Variants in LDLRAD3 observed in about 807,000 individuals in gnomAD.
LDLRAD3 encodes low density lipoprotein receptor class A domain containing 3.
In LDLRAD3, 20 loss-of-function variants were observed where a neutral mutation model predicts 29.4. That is an observed-to-expected ratio of 0.68 (90% CI 0.48 to 0.99). LDLRAD3 has a LOEUF of 0.99. Among genes scored for constraint, LDLRAD3 ranks in the 50% least tolerant of loss-of-function variants. LDLRAD3 has a pLI of 0.00. For synonymous variants in LDLRAD3, 157 were observed against 192.7 expected (o/e 0.81, Z 1.53); for missense variants, 420 against 454.3 (o/e 0.92, Z 0.69).
intron 5 of LDLRAD3, 145 bp from the exon 6 acceptor site, chr11:36,229,015 T>G (rs1047411723): frequency 2.2e-5 from 15 of 692,700 alleles, no homozygotes; most frequent in Non-Finnish European, 3.7e-5. Flanking sequence ...TTGAATTAAT[T>G]GTCTTTGTAC....
intron 4 of LDLRAD3, among the ~76,000 whole-genome samples, chr11:36,225,505 A>T (rs1253991957): frequency 2.0e-5 from 3 of 152,074 alleles, no homozygotes; most frequent in Admixed American, 6.5e-5. Flanking sequence ...CAGGGGTGGG[A>T]TGTGTACCAG....
chr11:36,029,644 GA>G (rs1565172488), intron 1 of LDLRAD3, among the ~76,000 whole-genome samples: 2 of 152,274 alleles, frequency 1.3e-5, no homozygotes, highest in African/African-American at 4.8e-5. Context: ...AATACAGCAC[GA>G]AAATAATTCA....
At chr11:36,121,915 G>A (rs10836497) in intron 4 of LDLRAD3, among the ~76,000 whole-genome samples, 68,550 of 151,862 alleles carry the variant, frequency 0.45, 15,929 homozygotes, top group Admixed American at 0.52. Context: ...GAGCCCTCGC[G>A]GCATGCCAGG....
chr11:36,104,690 C>T (rs1427724670), intron 4 of LDLRAD3, among the ~76,000 whole-genome samples: 2 of 152,140 alleles, frequency 1.3e-5, no homozygotes, highest in Non-Finnish European at 2.9e-5. Flanking sequence ...TTATCACACC[C>T]CTTTTCTAGA....
At chr11:36,079,001 C>T (rs1217079379) in intron 2 of LDLRAD3, among the ~76,000 whole-genome samples, 2 of 152,134 alleles carry the variant, frequency 1.3e-5, no homozygotes, top group Non-Finnish European at 2.9e-5. Flanking sequence ...GCAGAGGCTT[C>T]AGGTCTGGGA....
chr11:36,179,657 G>A (rs868020631), intron 4 of LDLRAD3, among the ~76,000 whole-genome samples: 3 of 152,000 alleles, frequency 2.0e-5, no homozygotes, highest in South Asian at 4.2e-4. Context: ...CTGTAAAATG[G>A]GATAATACTT....
At chr11:36,201,481 A>G (rs1855126092) in intron 4 of LDLRAD3, among the ~76,000 whole-genome samples, 1 of 152,202 alleles carries the variant, frequency 6.6e-6, no homozygotes, top group Admixed American at 6.5e-5. Flanking sequence ...TATCTTTTAA[A>G]TTAATTTTCA....
chr11:36,217,072 G>A (rs1170124076), intron 4 of LDLRAD3, among the ~76,000 whole-genome samples: 1 of 152,186 alleles, frequency 6.6e-6, no homozygotes, highest in African/African-American at 2.4e-5. Context: ...CAGGATTGTT[G>A]TAAAGAAGAA....
At position 35,992,981 on chromosome 11, in the gene LDLRAD3, T is replaced by C. The variant is rs567784602; in HGVS notation, c.47-43122T>C. On this transcript the variant is annotated intron_variant, in intron 1 of 5. Coordinates refer to ENST00000315571, the MANE Select transcript of LDLRAD3 (RefSeq NM_174902.4). ...TCTAATTTATTCCAGTCTTTTCCAT[T>C]TTTTTCTTTAAAAGTGTCTGGACAT... Among the ~76,000 whole-genome samples the C allele has an allele frequency of 2.0e-5, 3 of 152,334 alleles. No homozygotes were observed. In the South Asian group the frequency reaches 6.2e-4, roughly 32 times the overall value.
chr11:36,097,654 T>C (rs1230191056), intron 3 of LDLRAD3, among the ~76,000 whole-genome samples: 3 of 151,974 alleles, frequency 2.0e-5, no homozygotes. Flanking sequence ...GAGAAGTGGG[T>C]TAAAAGATAC....
Position 36,162,916 on chromosome 11 carries a change from GATCCT to G in LDLRAD3, c.455-64164_455-64160del, listed in dbSNP as rs1408177545. Among the ~76,000 whole-genome samples, 15 of 152,296 alleles carry G rather than the reference GATCCT, an allele frequency of 9.8e-5. No individual in the cohort carries two copies. The East Asian group carries it at 2.9e-3, about 29-fold the overall frequency. On this transcript the variant is annotated intron_variant, in intron 4 of 5. Transcript: ENST00000315571. ...GGAAACAGGGTTGTCGTTATATCTGGATCCTATCCACAAGGGCTCAGCAGCTGTGA... is the reference window on the plus strand; with the variant it reads ...GGAAACAGGGTTGTCGTTATATCTGGATCCACAAGGGCTCAGCAGCTGTGA...
chr11:36,197,760 A>G lies in LDLRAD3; in HGVS notation c.455-29325A>G, dbSNP rs1352126199. 7 of 152,142 alleles carry G rather than the reference A, an allele frequency of 4.6e-5. No homozygotes were observed. In the East Asian group the frequency reaches 1.4e-3, roughly 29 times the overall value. The allele number at this position is 152,142 out of a possible 1,614,324, so 9.4% of individuals were successfully genotyped here. A position where few individuals can be genotyped will look rare whatever the true frequency, so the allele number is the denominator to read the frequency against. ...GAGGGAGGCATACACTGAATAAAAG[A>G]CTATAGACCAGGTATAGTGGCTCAT... On this transcript the variant is annotated intron_variant, in intron 4 of 5. Coordinates refer to ENST00000315571, the MANE Select transcript of LDLRAD3 (RefSeq NM_174902.4).
chr11:36,160,429 A>G (rs1365177085), intron 4 of LDLRAD3, among the ~76,000 whole-genome samples: 1 of 152,174 alleles, frequency 6.6e-6, no homozygotes, highest in African/African-American at 2.4e-5. Context: ...ATATTTAATT[A>G]TAAGATACAT....
At chr11:35,961,283 G>C (rs549285068) in intron 1 of LDLRAD3, among the ~76,000 whole-genome samples, 50 of 152,364 alleles carry the variant, frequency 3.3e-4, no homozygotes, top group South Asian at 2.1e-3. Flanking sequence ...AAGCAAAGCA[G>C]TGGTGAGCCC....
rs769576610 is a variant in LDLRAD3 at position 36,227,365 on chromosome 11, G to A, written c.735G>A (p.Gln245=). 1.9e-6 allele frequency: 3 copies of A among 1,613,876 alleles called. No homozygotes were observed. Among genetic ancestry groups the A allele is most frequent in the Non-Finnish European group, 2.5e-6 (3 of 1,179,900 alleles). The part of the protein sequence containing the change: ...VNNGIQYVAS[Q]AEQNASEVGS... ...ATGGCATCCAGTATGTGGCCAGCCAGGCGGAGCAGAATGCGTCGGAAGTAG... is the reference window on the plus strand; with the variant it reads ...ATGGCATCCAGTATGTGGCCAGCCAAGCGGAGCAGAATGCGTCGGAAGTAG... Residue 245 remains glutamine (Q), a synonymous_variant, in exon 5 of 6, where the codon CAG becomes CAA. Transcript: ENST00000315571.
chr11:36,017,723 C>T (rs1382356495), intron 1 of LDLRAD3, among the ~76,000 whole-genome samples: 2 of 152,056 alleles, frequency 1.3e-5, no homozygotes, highest in East Asian at 3.9e-4. Context: ...CGGGGTTTCA[C>T]CATGTTGGCC....
At chr11:36,055,877 G>A (rs1185032006) in intron 2 of LDLRAD3, among the ~76,000 whole-genome samples, 1 of 151,556 alleles carries the variant, frequency 6.6e-6, no homozygotes, top group East Asian at 1.9e-4. Flanking sequence ...TGTTTTTCTT[G>A]CAGGTGGACC....
intron 2 of LDLRAD3, among the ~76,000 whole-genome samples, chr11:36,064,271 C>G (rs1019543884): frequency 1.3e-5 from 2 of 152,054 alleles, no homozygotes; most frequent in Admixed American, 6.6e-5. Context: ...CTCCTGCAAC[C>G]TTGCTAAACT....
rs554850056 is a variant in LDLRAD3, at chr11:36,043,106, A to G, written c.193+6857A>G. On this transcript the variant is annotated intron_variant, in intron 2 of 5. Coordinates refer to ENST00000315571, the MANE Select transcript of LDLRAD3 (RefSeq NM_174902.4). ...GTGGGCAGATCGTTTGAGCCCAAGA[A>G]TTTGAGACCAGCCTGGGCAACATGG... 5.9e-5 allele frequency among the ~76,000 whole-genome samples: 9 copies of G among 152,316 alleles called. No individual in the cohort carries two copies. The South Asian group carries it at 1.9e-3, about 32-fold the overall frequency.
Sources: gnomAD v4.1 joint callset for allele counts (sites outside exome capture counted in the v4.1 genomes callset) on GRCh38, gnomAD v4.1.1 for gene constraint, MANE v1.5 for transcripts, NCBI Gene and HGNC (gene_info 2026-07-23, HGNC 2026-07-21) for gene names.